Variants in CTCFL observed in about 807,000 individuals in gnomAD.
CTCFL encodes the protein CCCTC-binding factor like, also known as transcriptional repressor CTCFL.
In CTCFL, 36 loss-of-function variants were observed where a neutral mutation model predicts 67.4. The observed-to-expected ratio is 0.53, with a 90% CI of 0.41 to 0.71. The LOEUF is 0.71. Among genes scored for constraint, CTCFL ranks in the 30% least tolerant of loss-of-function variants. CTCFL has a pLI of 0.00. For missense variants in CTCFL, 786 were observed against 835.2 expected (o/e 0.94, Z 0.73); for synonymous variants, 324 against 302.3 (o/e 1.07, Z -0.75).
intron 2 of CTCFL, 86 bp from the exon 3 acceptor site, chr20:57,523,364 G>A (rs910989786): frequency 6.1e-6 from 8 of 1,313,510 alleles, no homozygotes; most frequent in Non-Finnish European, 8.4e-6. Context: ...AATACAAAAA[G>A]AAAAGCCAAA....
chr20:57,519,001 G>T, intron 4 of CTCFL, 110 bp from the exon 5 acceptor site: 1 of 1,335,914 alleles, frequency 7.5e-7, no homozygotes, highest in Non-Finnish European at 1.0e-6. Flanking sequence ...TAAAAATTAA[G>T]AAGAGGCTCC....
intron 3 of CTCFL, 91 bp downstream of exon 3, chr20:57,522,977 C>T: frequency 1.0e-6 from 1 of 988,682 alleles, no homozygotes; most frequent in Non-Finnish European, 1.5e-6. Flanking sequence ...TAAAAGTCAA[C>T]CACTTAAAAC....
intron 3 of CTCFL, 110 bp from the exon 4 acceptor site, chr20:57,519,487 G>A: frequency 1.1e-6 from 1 of 889,048 alleles, no homozygotes; most frequent in Non-Finnish European, 1.8e-6. Context: ...CTGAACAATA[G>A]CACATGCTAT....
chr20:57,519,358 G>A lies in CTCFL; in HGVS notation c.774C>T (p.His258=). ...AAGAGGTGAACATGCAGACATCACA[G>A]TGGAAGGTTCCTTTTGCTCCTATAG... ...RKTKGAKGTF[H]CDVCMFTSSR... is the part of the protein sequence containing the mutation. The change falls in exon 4 of 11, where the codon CAC becomes CAT. Residue 258 remains histidine (H), a synonymous_variant. Transcript: ENST00000243914. The A allele has an allele frequency of 6.2e-7, 1 of 1,614,002 alleles. No homozygotes were observed. The highest frequency in any genetic ancestry group is 8.5e-7 in the Non-Finnish European group (1 of 1,179,928).
At chr20:57,512,918 C>T (rs1004188185) in intron 7 of CTCFL, among the ~76,000 whole-genome samples, 166 bp from the exon 8 acceptor site, 2 of 152,200 alleles carry the variant, frequency 1.3e-5, no homozygotes, top group African/African-American at 4.8e-5. Context: ...TGTTAAGCAG[C>T]ATTCCTGGTG....
chr20:57,496,482 G>A (rs1282314191), downstream of CTCFL: 5 of 452,238 alleles, frequency 1.1e-5, no homozygotes, highest in East Asian at 1.3e-4. Flanking sequence ...ATTTTTAAAT[G>A]TATGGTTCAG....
downstream of CTCFL, chr20:57,496,014 G>A: frequency 2.6e-6 from 1 of 381,160 alleles, no homozygotes. Context: ...ACATACATTT[G>A]GTTGTAGTAA....
At chr20:57,506,465 A>G (rs928586666) in intron 9 of CTCFL, among the ~76,000 whole-genome samples, 1 of 152,122 alleles carries the variant, frequency 6.6e-6, no homozygotes, top group Non-Finnish European at 1.5e-5. Flanking sequence ...CACCATGCCC[A>G]GCTAATTTTT....
At chr20:57,518,360 C>T (rs2069084733) in intron 5 of CTCFL, 1 of 415,692 alleles carries the variant, frequency 2.4e-6, no homozygotes, top group Non-Finnish European at 4.0e-6. Flanking sequence ...GAGCAAGCTG[C>T]TTTGTATCTA....
At chr20:57,511,329 T>A (rs2068538634) in intron 8 of CTCFL, among the ~76,000 whole-genome samples, 1 of 152,112 alleles carries the variant, frequency 6.6e-6, no homozygotes, top group Non-Finnish European at 1.5e-5. Context: ...TGTGAGCCAG[T>A]GTGTCTGGCC....
Position 57,503,421 on chromosome 20 carries a change from G to GCGTAAAAT in CTCFL, c.1840+7_1840+14dup, listed in dbSNP as rs2068018919. ...TCACTGAGGCGGTAAAAACAAATCT[G>GCGTAAAAT]CGTAAAATCAGTACCGTCTCCGTTC... On this transcript the variant is annotated intron_variant, in intron 10 of 10. Coordinates refer to ENST00000243914, the MANE Select transcript of CTCFL (RefSeq NM_001386993.1). 1 of 1,613,690 alleles carries GCGTAAAAT rather than the reference G, an allele frequency of 6.2e-7. No homozygotes were observed. The highest frequency in any genetic ancestry group is 1.3e-5 in the African/African-American group (1 of 74,892).
intron 6 of CTCFL, 138 bp from the exon 7 acceptor site, chr20:57,514,879 T>C (rs2068805084): frequency 7.3e-6 from 6 of 826,016 alleles, no homozygotes; most frequent in African/African-American, 1.7e-5. Context: ...CCAATTAGTA[T>C]GAGACTCCCA....
chr20:57,524,271 G>A (rs1300038705), intron 1 of CTCFL, 55 bp from the exon 2 acceptor site: 9 of 1,546,256 alleles, frequency 5.8e-6, no homozygotes, highest in Non-Finnish European at 7.8e-6. Flanking sequence ...GGTGGTATGA[G>A]GAGGGATGCG....
chr20:57,496,405 G>C, downstream of CTCFL: 1 of 532,046 alleles, frequency 1.9e-6, no homozygotes, highest in Non-Finnish European at 3.4e-6. Flanking sequence ...AAATTACCCA[G>C]TTTCAGGTAT....
At chr20:57,507,494 G>A (rs985867948) in intron 9 of CTCFL, 1 of 681,582 alleles carries the variant, frequency 1.5e-6, no homozygotes, top group African/African-American at 1.8e-5. Context: ...CCCCACAGCT[G>A]GCTGTTGTGC....
chr20:57,522,946 C>G (rs2069497320), intron 3 of CTCFL, 122 bp downstream of exon 3: 1 of 757,194 alleles, frequency 1.3e-6, no homozygotes, highest in Admixed American at 2.8e-5. Context: ...AAATTTCTCC[C>G]ATTTCCTGAC....
At position 57,508,738 on chromosome 20, in the gene CTCFL, G is replaced by A; in HGVS notation, c.1542C>T (p.Phe514=). Residue 514 remains phenylalanine, a synonymous_variant, in exon 9 of 11, where the codon TTC becomes TTT. Transcript: ENST00000243914. ...AACATTTATTGCAAGAAAGGCAGGT[G>A]AATGGTTTCTCTCCAGTGTGGGTAC... The part of the protein sequence containing the change: ...HIRTHTGEKP[F]TCLSCNKCFR... The A allele has an allele frequency of 6.2e-7, 1 of 1,614,224 alleles. No homozygotes were observed. Among genetic ancestry groups the A allele is most frequent in the Non-Finnish European group, 8.5e-7 (1 of 1,180,048 alleles).
At chr20:57,511,732 C>CA (rs1192158933) in intron 8 of CTCFL, among the ~76,000 whole-genome samples, 2 of 152,030 alleles carry the variant, frequency 1.3e-5, no homozygotes, top group African/African-American at 4.8e-5. Flanking sequence ...GCTGGGACTA[C>CA]AGGCGTGTGC....
chr20:57,500,935 G>C (rs1482504906), intron 10 of CTCFL, among the ~76,000 whole-genome samples: 1 of 152,230 alleles, frequency 6.6e-6, no homozygotes, highest in Admixed American at 6.5e-5. Flanking sequence ...TTTAGGTGCG[G>C]AATCAGCGGG....
Sources: gnomAD v4.1 joint callset for allele counts (sites outside exome capture counted in the v4.1 genomes callset) on GRCh38, gnomAD v4.1.1 for gene constraint, MANE v1.5 for transcripts, NCBI Gene and HGNC (gene_info 2026-07-23, HGNC 2026-07-21) for gene names.